SBF2: variants seen among roughly 807,000 people sequenced by gnomAD.
The protein encoded by SBF2 is myotubularin-related protein 13.
Under a neutral mutation model 225.2 loss-of-function variants are expected in SBF2, and 112 were observed. The ratio of observed to expected loss-of-function variants is 0.50; its 90% CI spans 0.43 to 0.58. The LOEUF (loss-of-function observed/expected upper bound fraction) is 0.58, where lower values mean the gene tolerates loss of function less well. Ranked by LOEUF, SBF2 falls within the 20% of genes least tolerant of loss-of-function variation. The pLI is 0.00. For missense variants in SBF2, 1,996 were observed against 2,206.2 expected, an observed-to-expected ratio of 0.90 and a Z score of 1.91; for synonymous variants, 763 against 773.3, an observed-to-expected ratio of 0.99 and a Z score of 0.22.
At chr11:9,947,869 G>A (rs959462669) in intron 16 of SBF2, among the ~76,000 whole-genome samples, 2 of 152,112 alleles carry the variant, frequency 1.3e-5, no homozygotes, top group Non-Finnish European at 2.9e-5. Context: ...ACGCAAGACA[G>A]TATAACAGTT....
In SBF2 at chr11:10,257,615, C is replaced by T. The variant is rs994950644; in HGVS notation, c.55+36400G>A. Among the ~76,000 whole-genome samples, 36 of 137,554 alleles carry T rather than the reference C, an allele frequency of 2.6e-4. No individual in the cohort carries two copies. The East Asian group carries it at 5.8e-3, about 22-fold the overall frequency. 90.2% of individuals were successfully genotyped at this position (137,554 alleles called of 152,430 possible). A position where few individuals can be genotyped will look rare whatever the true frequency, so the allele number is the denominator to read the frequency against. On this transcript the variant is annotated intron_variant, in intron 1 of 39. Coordinates refer to ENST00000256190, the MANE Select transcript of SBF2 (RefSeq NM_030962.4). ...AGGAAGTAGAGGCTGCAGTGAAATACGATAGCATCACTGCACTCCAGCCTG... is the reference window on the plus strand; with the variant it reads ...AGGAAGTAGAGGCTGCAGTGAAATATGATAGCATCACTGCACTCCAGCCTG...
intron 17 of SBF2, among the ~76,000 whole-genome samples, chr11:9,888,898 G>T (rs1051064410): frequency 1.3e-5 from 2 of 152,130 alleles, no homozygotes; most frequent in African/African-American, 4.8e-5. Flanking sequence ...AAATTTCACT[G>T]GGTTAGATTA....
At chr11:9,971,393 T>C (rs1454779157) in intron 13 of SBF2, among the ~76,000 whole-genome samples, 2 of 152,008 alleles carry the variant, frequency 1.3e-5, no homozygotes, top group African/African-American at 4.8e-5. Context: ...GCAGGATGCA[T>C]TGGCCAGGCA....
chr11:9,811,962 C>G (rs1854210351), intron 30 of SBF2, among the ~76,000 whole-genome samples: 2 of 151,740 alleles, frequency 1.3e-5, no homozygotes, highest in African/African-American at 4.8e-5. Context: ...AAGACAAGGC[C>G]CTTTAATTTC....
At chr11:10,148,571 C>A (rs1401708822) in intron 2 of SBF2, among the ~76,000 whole-genome samples, 2 of 151,938 alleles carry the variant, frequency 1.3e-5, no homozygotes, top group Non-Finnish European at 2.9e-5. Context: ...TACCAAAGGT[C>A]CCAGCCAGGA....
chr11:10,132,748 G>A (rs1431238163), intron 2 of SBF2, among the ~76,000 whole-genome samples: 11 of 148,760 alleles, frequency 7.4e-5, no homozygotes, highest in African/African-American at 2.2e-4. Flanking sequence ...ATGCTGGCTC[G>A]GGCAGCCTGC....
intron 25 of SBF2, 72 bp downstream of exon 25, chr11:9,842,553 A>G: frequency 1.3e-6 from 2 of 1,495,396 alleles, no homozygotes; most frequent in Non-Finnish European, 1.9e-6. Context: ...ATGTAAGTGC[A>G]ACTACATCTG....
At chr11:10,111,838 C>A (rs1952871761) in intron 2 of SBF2, among the ~76,000 whole-genome samples, 1 of 152,228 alleles carries the variant, frequency 6.6e-6, no homozygotes, top group Non-Finnish European at 1.5e-5. Flanking sequence ...GTTCACACCA[C>A]TTCACTCCAG....
intron 2 of SBF2, among the ~76,000 whole-genome samples, chr11:10,132,996 G>A (rs1954143991): frequency 2.0e-5 from 3 of 149,044 alleles, no homozygotes; most frequent in South Asian, 2.1e-4. Flanking sequence ...CTAAACACAG[G>A]GTGCTGATTG....
intron 2 of SBF2, among the ~76,000 whole-genome samples, chr11:10,072,458 T>G (rs528392811): frequency 2.0e-5 from 3 of 152,202 alleles, no homozygotes; most frequent in African/African-American, 7.2e-5. Flanking sequence ...CAGGAAACAG[T>G]TGAAGATATA....
chr11:9,835,797 G>A (rs1355927900), intron 26 of SBF2, among the ~76,000 whole-genome samples: 1 of 151,996 alleles, frequency 6.6e-6, no homozygotes, highest in Non-Finnish European at 1.5e-5. Flanking sequence ...TTGTACTCAC[G>A]TGTAGTTTGT....
chr11:10,114,239 G>C (rs1371358263), intron 2 of SBF2, among the ~76,000 whole-genome samples: 2 of 152,176 alleles, frequency 1.3e-5, no homozygotes, highest in African/African-American at 4.8e-5. Flanking sequence ...CAATAAATGT[G>C]ATGTATTATT....
At position 10,055,846 on chromosome 11, in the gene SBF2, T is replaced by C. The variant is rs77925483; in HGVS notation, c.142-12865A>G. Among the ~76,000 whole-genome samples the C allele has an allele frequency of 7.9e-3, 1,208 of 152,230 alleles. 13 individuals are homozygous for C. The highest frequency in any genetic ancestry group is 0.028 in the African/African-American group (1,160 of 41,526). ...GGTACATAGTACACTATCTTGGTAA[T>C]GGGTATACTAAAATCCCAGACTTTA... On this transcript the variant is annotated intron_variant, in intron 2 of 39. Transcript: ENST00000256190.
intron 2 of SBF2, among the ~76,000 whole-genome samples, chr11:10,108,614 T>C (rs1169200051): frequency 1.5e-5 from 2 of 129,176 alleles, no homozygotes; most frequent in Non-Finnish European, 1.6e-5. Context: ...AAGCTCCGCC[T>C]CCCGGGTTCA....
At chr11:10,263,262 T>C (rs1961620182) in intron 1 of SBF2, among the ~76,000 whole-genome samples, 1 of 152,046 alleles carries the variant, frequency 6.6e-6, no homozygotes. Context: ...ATGGTTTTAA[T>C]AATAATTACA....
At chr11:10,023,359 T>G (rs909922603) in intron 6 of SBF2, among the ~76,000 whole-genome samples, 2 of 152,198 alleles carry the variant, frequency 1.3e-5, no homozygotes, top group African/African-American at 4.8e-5. Flanking sequence ...TTAACAAGCC[T>G]CTAACAGTAA....
intron 2 of SBF2, among the ~76,000 whole-genome samples, chr11:10,179,088 G>C (rs1306771377): frequency 6.7e-6 from 1 of 148,888 alleles, no homozygotes; most frequent in Non-Finnish European, 1.5e-5. Flanking sequence ...GTAAACTATC[G>C]CAAGAACAAA....
intron 2 of SBF2, among the ~76,000 whole-genome samples, chr11:10,152,715 A>G (rs1955268055): frequency 6.6e-6 from 1 of 152,222 alleles, no homozygotes; most frequent in South Asian, 2.1e-4. Flanking sequence ...AGTGTCACCC[A>G]AAGTCAAAGT....
intron 32 of SBF2, among the ~76,000 whole-genome samples, chr11:9,806,486 G>C (rs541061713): frequency 1.3e-5 from 2 of 152,298 alleles, no homozygotes; most frequent in Admixed American, 1.3e-4. Flanking sequence ...TTGGCCTCAG[G>C]TAAGCTTTCT....
Sources: allele counts gnomAD v4.1 joint callset (sites outside exome capture counted in the v4.1 genomes callset), GRCh38; gene constraint gnomAD v4.1.1; transcripts MANE v1.5; gene names NCBI Gene and HGNC (gene_info 2026-07-23, HGNC 2026-07-21).